SLC22A25: variants seen among roughly 807,000 people sequenced by gnomAD.
SLC22A25 encodes the protein solute carrier family 22 member 25.
SLC22A25 carries 44 observed loss-of-function variants against 45.9 expected under a neutral mutation model. The ratio of observed to expected loss-of-function variants is 0.96; its 90% CI spans 0.75 to 1.23. The LOEUF is 1.23. SLC22A25 is among the 50% of genes most tolerant of loss of function. SLC22A25 has a pLI of 0.00. For synonymous variants in SLC22A25, 283 were observed against 238.6 expected (o/e 1.19, Z -1.72); for missense variants, 800 against 666.4 (o/e 1.20, Z -2.21).
rs2089739030 is a variant in SLC22A25 at position 63,217,355 on chromosome 11, C to G, written c.789G>C (p.Leu263Phe). ...FVIRDQCILQ[L>F]VMSAPCFVFF... ...AGACAAAGCATGGTGCAGACATCAC[C>G]AACTGGAGGATGCACTGGTCTCGAA... Residue 263 changes from leucine (L) to phenylalanine (F), a missense_variant, in exon 7 of 12, where the codon TTG (leucine) becomes TTC (phenylalanine). By Grantham distance (22) the Leu-to-Phe change is conservative (BLOSUM62 0). Coordinates refer to ENST00000306494, the MANE Select transcript of SLC22A25 (RefSeq NM_199352.6). The G allele has an allele frequency of 6.2e-7, 1 of 1,613,954 alleles. No homozygotes were observed. The highest frequency in any genetic ancestry group is 2.2e-5 in the East Asian group (1 of 44,842).
intron 7 of SLC22A25, among the ~76,000 whole-genome samples, chr11:63,194,141 C>T (rs2088916528): frequency 1.3e-5 from 2 of 152,028 alleles, no homozygotes; most frequent in Admixed American, 6.5e-5. Flanking sequence ...ATGAACAACG[C>T]CTCCAAGAAA....
rs748866241 is a variant in SLC22A25, at chr11:63,217,461, T to C, written c.683A>G (p.Gln228Arg). Residue 228 changes from glutamine (Q) to arginine (R), a missense_variant, in exon 7 of 12, where the codon CAA (glutamine) becomes CGA (arginine). Physicochemically the swap from Gln to Arg is conservative, Grantham distance 43. Transcript: ENST00000306494. ...VLLIVEWITHQFCAMALTLTL... is the reference protein window; with the variant it reads ...VLLIVEWITHRFCAMALTLTL... ...CAATGTCAATGCCATGGCACAGAAT[T>C]GGTGAGTTATCCACTCTACAACTGA... The C allele has an allele frequency of 4.3e-6, 7 of 1,613,936 alleles. No individual in the cohort carries two copies. Among genetic ancestry groups the C allele is most frequent in the Non-Finnish European group, 5.1e-6 (6 of 1,180,014 alleles).
At chr11:63,191,552 C>A (rs1200688744) in intron 7 of SLC22A25, among the ~76,000 whole-genome samples, 2 of 152,070 alleles carry the variant, frequency 1.3e-5, no homozygotes, top group African/African-American at 2.4e-5. Flanking sequence ...CACCCACTGT[C>A]CTGCACCCAC....
In SLC22A25 at chr11:63,242,561, G is replaced by A. The variant is rs143818621; in HGVS notation, c.-996+873C>T. 2.1e-3 allele frequency among the ~76,000 whole-genome samples: 316 copies of A among 152,278 alleles called. 1 individual carries two copies. The highest frequency in any genetic ancestry group is 6.8e-3 in the African/African-American group (283 of 41,560). ...AGCTATACCCCATCACTTCAGCCTA[G>A]TTAAAACTTCCTCTTCCTGTGTGAT... On this transcript the variant is annotated intron_variant, in intron 1 of 11. Coordinates refer to ENST00000306494, the MANE Select transcript of SLC22A25 (RefSeq NM_199352.6).
chr11:63,179,264 C>T (rs977028058), intron 9 of SLC22A25, among the ~76,000 whole-genome samples: 2 of 152,098 alleles, frequency 1.3e-5, no homozygotes, highest in Non-Finnish European at 2.9e-5. Flanking sequence ...GTCTATATCT[C>T]TCCATTTCTT....
chr11:63,187,283 A>G (rs1396861117), intron 7 of SLC22A25, among the ~76,000 whole-genome samples: 1 of 152,110 alleles, frequency 6.6e-6, no homozygotes, highest in Non-Finnish European at 1.5e-5. Context: ...TTGGATTCCT[A>G]GGTATTTTAT....
chr11:63,159,526 G>A lies in SLC22A25; in HGVS notation c.*4298C>T, dbSNP rs2087518537. 6.6e-6 allele frequency among the ~76,000 whole-genome samples: 1 copy of A among 152,142 alleles called. No individual in the cohort carries two copies. The highest frequency in any genetic ancestry group is 2.4e-5 in the African/African-American group (1 of 41,422). On this transcript the variant is annotated 3_prime_UTR_variant, in exon 12 of 12. Transcript: ENST00000306494. ...TTTCACCTTCTGCCGTGATTGTGAG[G>A]CTTCCCCAGCCAGGTGGAACTGTGA...
intron 7 of SLC22A25, among the ~76,000 whole-genome samples, chr11:63,191,488 G>C (rs2088813129): frequency 1.3e-5 from 2 of 152,154 alleles, no homozygotes. Flanking sequence ...GATGCCTTGT[G>C]CTTCCTGGGT....
chr11:63,228,399 A>T, intron 5 of SLC22A25, 62 bp downstream of exon 5: 11 of 1,323,688 alleles, frequency 8.3e-6, no homozygotes, highest in Non-Finnish European at 1.1e-5. Flanking sequence ...TTTCTAGATG[A>T]AAAGTGTTTC....
intron 7 of SLC22A25, among the ~76,000 whole-genome samples, chr11:63,190,034 CT>C (rs1459240645): frequency 1.1e-4 from 17 of 152,186 alleles, no homozygotes; most frequent in South Asian, 2.1e-4. Flanking sequence ...TGGAGTTGCT[CT>C]TCTTGAGGAG....
At chr11:63,204,372 TAA>T (rs1303498962) in intron 7 of SLC22A25, among the ~76,000 whole-genome samples, 2 of 152,078 alleles carry the variant, frequency 1.3e-5, no homozygotes, top group Non-Finnish European at 2.9e-5. Context: ...GCAAATTGGA[TAA>T]AGAGTCAAGA....
At chr11:63,173,666 G>T (rs987902608) in intron 9 of SLC22A25, among the ~76,000 whole-genome samples, 6 of 152,042 alleles carry the variant, frequency 3.9e-5, no homozygotes, top group African/African-American at 1.4e-4. Flanking sequence ...TCAGGCATTT[G>T]CCTGGAAGCT....
chr11:63,210,802 A>G (rs895567914), intron 7 of SLC22A25, among the ~76,000 whole-genome samples: 1 of 152,226 alleles, frequency 6.6e-6, no homozygotes, highest in Non-Finnish European at 1.5e-5. Context: ...GCCAAAGAAA[A>G]GAAACCTTTA....
intron 7 of SLC22A25, among the ~76,000 whole-genome samples, chr11:63,186,387 GA>G (rs1211950319): frequency 6.6e-6 from 1 of 150,948 alleles, no homozygotes; most frequent in African/African-American, 2.4e-5. Flanking sequence ...TTTTTGTTGG[GA>G]TTGTTTGTTT....
chr11:63,196,374 G>A (rs1456534064), intron 7 of SLC22A25, among the ~76,000 whole-genome samples: 2 of 152,096 alleles, frequency 1.3e-5, no homozygotes, highest in East Asian at 1.9e-4. Context: ...CTGGCAAACC[G>A]AATCCAGCAG....
chr11:63,232,522 G>T (rs1469850929), intron 3 of SLC22A25, among the ~76,000 whole-genome samples: 2 of 152,166 alleles, frequency 1.3e-5, no homozygotes, highest in African/African-American at 4.8e-5. Flanking sequence ...ATCAGCTTAA[G>T]GAGATTTTGG....
intron 9 of SLC22A25, chr11:63,166,505 A>G (rs2087690111): frequency 8.2e-7 from 1 of 1,224,956 alleles, no homozygotes; most frequent in South Asian, 2.8e-5. Context: ...GGGTTTATTT[A>G]TTTATTTTAA....
chr11:63,219,549 C>T (rs1468491101), intron 5 of SLC22A25, among the ~76,000 whole-genome samples: 2 of 152,064 alleles, frequency 1.3e-5, no homozygotes, highest in East Asian at 3.8e-4. Flanking sequence ...TTTATTCATT[C>T]TATTATTAAT....
At chr11:63,187,238 T>C (rs560517477) in intron 7 of SLC22A25, among the ~76,000 whole-genome samples, 3 of 152,328 alleles carry the variant, frequency 2.0e-5, no homozygotes, top group Admixed American at 2.0e-4. Context: ...TGGTTTGTAG[T>C]TCTCCTTGAA....
Sources: gnomAD v4.1 joint callset for allele counts (sites outside exome capture counted in the v4.1 genomes callset) on GRCh38, gnomAD v4.1.1 for gene constraint, MANE v1.5 for transcripts, NCBI Gene and HGNC (gene_info 2026-07-23, HGNC 2026-07-21) for gene names.